The following ANKFY1 variants were observed in gnomAD, a reference collection of about 807,000 sequenced individuals.
The protein encoded by ANKFY1 is ankyrin repeat and FYVE domain containing 1.
ANKFY1 carries 47 observed loss-of-function variants against 128.3 expected under a neutral mutation model. The ratio of observed to expected loss-of-function variants is 0.37; its 90% CI spans 0.29 to 0.47. The LOEUF (loss-of-function observed/expected upper bound fraction) is 0.47. Ranked by LOEUF, ANKFY1 falls within the 20% of genes least tolerant of loss-of-function variation. The probability of loss-of-function intolerance (pLI) is 1.00; values close to 1 mark genes in which losing one functional copy is unlikely to be tolerated. For missense variants in ANKFY1, 1,222 were observed against 1,510.6 expected (o/e 0.81, Z 3.17); for synonymous variants, 553 against 601.6 (o/e 0.92, Z 1.18).
chr17:4,247,404 GA>G (rs1967602691), intron 1 of ANKFY1, among the ~76,000 whole-genome samples: 1 of 152,206 alleles, frequency 6.6e-6, no homozygotes, highest in African/African-American at 2.4e-5. Context: ...GAGCAGAGAA[GA>G]AGCTAGATAA....
chr17:4,232,757 A>G (rs2060534670), intron 3 of ANKFY1, among the ~76,000 whole-genome samples: 1 of 152,220 alleles, frequency 6.6e-6, no homozygotes, highest in South Asian at 2.1e-4. Flanking sequence ...TAAAGCTCTA[A>G]ACGTTTGGAT....
intron 2 of ANKFY1, among the ~76,000 whole-genome samples, chr17:4,237,273 G>C (rs1452037304): frequency 1.3e-5 from 2 of 152,130 alleles, no homozygotes; most frequent in Non-Finnish European, 2.9e-5. Flanking sequence ...TTCTATCAAA[G>C]ACCAAGCTAT....
rs751084130 is a variant in ANKFY1 at position 4,189,461 on chromosome 17, C to A, written c.1391G>T (p.Arg464Leu). ...DTATGNCLLQRAAGAGNEAAA... is the reference protein window; with the variant it reads ...DTATGNCLLQLAAGAGNEAAA... The stretch of plus-strand genomic sequence containing the variant: ...TGCCTCGTTTCCTGCTCCAGCTGCC[C>A]GCTGTAGTAAACAGTTTCCTAAAAG... Residue 464 changes from arginine to leucine, a missense_variant, in exon 11 of 25, where the codon CGG becomes CTG. Arg to Leu is a moderately radical substitution (Grantham distance 102). Transcript: ENST00000341657. The A allele has an allele frequency of 1.3e-6, 2 of 1,585,932 alleles. No individual in the cohort carries two copies. The highest frequency in any genetic ancestry group is 2.3e-5 in the East Asian group (1 of 43,992).
chr17:4,220,015 G>T (rs1476594353), intron 3 of ANKFY1, among the ~76,000 whole-genome samples: 1 of 152,094 alleles, frequency 6.6e-6, no homozygotes, highest in Admixed American at 6.6e-5. Flanking sequence ...AGTTGAGATG[G>T]GGTTTCACCA....
At chr17:4,251,086 A>G (rs1392884182) in intron 1 of ANKFY1, among the ~76,000 whole-genome samples, 1 of 152,226 alleles carries the variant, frequency 6.6e-6, no homozygotes, top group Non-Finnish European at 1.5e-5. Flanking sequence ...CAAGATAGAT[A>G]TCCAGAGCAA....
chr17:4,195,263 CT>C, intron 9 of ANKFY1, 86 bp from the exon 10 acceptor site: 6 of 1,424,126 alleles, frequency 4.2e-6, no homozygotes, highest in Admixed American at 2.3e-5. Context: ...TCTCTTTACC[CT>C]TTTTCAATGA....
In ANKFY1 at chr17:4,181,384, CAT is replaced by C. The variant is rs2143003960; in HGVS notation, c.2122-14_2122-13del. On this transcript the variant is annotated splice_polypyrimidine_tract_variant and intron_variant, in intron 15 of 24. Coordinates refer to ENST00000341657, the MANE Select transcript of ANKFY1 (RefSeq NM_001330063.2). This position sits in a 1 kb window ranked among gnomAD's most constrained non-coding sequence, Gnocchi z 4.9. ...CAGCCATGTCTGACCTGCAGAAAAACATAGGTTATTCACAAACACTGCTGAGC... is the reference window on the plus strand; with the variant it reads ...CAGCCATGTCTGACCTGCAGAAAAACAGGTTATTCACAAACACTGCTGAGC... 3.1e-6 allele frequency: 5 copies of C among 1,601,430 alleles called. No homozygotes were observed. The highest frequency in any genetic ancestry group is 4.3e-6 in the Non-Finnish European group (5 of 1,168,510).
intron 4 of ANKFY1, among the ~76,000 whole-genome samples, chr17:4,210,640 G>A (rs758445694): frequency 2.3e-4 from 34 of 147,642 alleles, no homozygotes; most frequent in Admixed American, 1.8e-3. Flanking sequence ...CCCAGGAGGC[G>A]GAGGTTGCAG....
rs1966880369 is a variant in ANKFY1 at position 4,235,766 on chromosome 17, G to A, written c.322+6C>T. 1 of 1,610,476 alleles carries A rather than the reference G, an allele frequency of 6.2e-7. No individual in the cohort carries two copies. Among genetic ancestry groups the A allele is most frequent in the South Asian group, 1.1e-5 (1 of 90,974 alleles). ...GTTTTGTGTCCCTGATCACTCAAAG[G>A]CTCACCTGACAGGTCCAACTCTTTA... On this transcript the variant is annotated splice_donor_region_variant and intron_variant, in intron 3 of 24. Transcript: ENST00000341657.
chr17:4,218,774 G>C (rs1052347107), intron 3 of ANKFY1, among the ~76,000 whole-genome samples: 2 of 152,114 alleles, frequency 1.3e-5, no homozygotes, highest in African/African-American at 4.8e-5. Flanking sequence ...GCTACTCAAG[G>C]GGCCAATGTG....
In ANKFY1 at chr17:4,170,746, G is replaced by A. The variant is rs766092499; in HGVS notation, c.3255C>T (p.Val1085=). Residue 1085 remains valine (V), a synonymous_variant, in exon 23 of 25, where the codon GTC becomes GTT. Transcript: ENST00000341657. ...GTCGGAACAGGAGCTGCTTGGTGGC[G>A]ACCTGGTAGTTGAAGATGTTGACTC... ...NQGVNIFNYQ[V]ATKQLLFRLL... 8.1e-6 allele frequency: 13 copies of A among 1,613,452 alleles called. No individual in the cohort carries two copies. Among genetic ancestry groups the A allele is most frequent in the South Asian group, 1.1e-5 (1 of 91,026 alleles).
At chr17:4,202,613 C>T (rs1370057023) in intron 7 of ANKFY1, among the ~76,000 whole-genome samples, 20 of 139,862 alleles carry the variant, frequency 1.4e-4, no homozygotes, top group Admixed American at 1.3e-3. Context: ...AGGAGAATGG[C>T]GTGAACCCGG....
At chr17:4,180,835 G>T (rs547483864) in intron 16 of ANKFY1, among the ~76,000 whole-genome samples, 5 of 151,602 alleles carry the variant, frequency 3.3e-5, no homozygotes, top group Non-Finnish European at 7.4e-5. Flanking sequence ...TGCTGTGAAG[G>T]CTTCCTGAAT....
At position 4,187,019 on chromosome 17, in the gene ANKFY1, A is replaced by G. The variant is rs2059624308; in HGVS notation, c.1471-1973T>C. The G allele has an allele frequency of 2.4e-6, 3 of 1,225,380 alleles. No homozygotes were observed. The African/African-American group carries it at 4.7e-5, about 19-fold the overall frequency. 75.9% of individuals were successfully genotyped at this position (1,225,380 alleles called of 1,614,324 possible). A position where few individuals can be genotyped will look rare whatever the true frequency, so the allele number is the denominator to read the frequency against. ...ACTGTTTTTTTTAAATTCGTATTTC[A>G]GTGTCTTTGGGGTACAGGTGGTTTC... On this transcript the variant is annotated intron_variant, in intron 11 of 24. Transcript: ENST00000341657.
chr17:4,209,361 C>T (rs760653124), intron 5 of ANKFY1, among the ~76,000 whole-genome samples: 32 of 152,142 alleles, frequency 2.1e-4, no homozygotes, highest in East Asian at 1.9e-4. Flanking sequence ...AGTGCAGTGG[C>T]GCGATCTCAG....
In ANKFY1 at chr17:4,201,727, C is replaced by A. The variant is rs115161042; in HGVS notation, c.899-4150G>T. Reference sequence around the variant, plus strand: ...GGTAAGGGGTGCAGAAGGTTGCAATCTTTCCCAGTATCAAAGCTTAGATTT... The same window carrying A: ...GGTAAGGGGTGCAGAAGGTTGCAATATTTCCCAGTATCAAAGCTTAGATTT... On this transcript the variant is annotated intron_variant, in intron 7 of 24. Coordinates refer to ENST00000341657, the MANE Select transcript of ANKFY1 (RefSeq NM_001330063.2). 3.0e-3 allele frequency among the ~76,000 whole-genome samples: 453 copies of A among 152,250 alleles called. 1 individual carries two copies. The highest frequency in any genetic ancestry group is 0.01 in the African/African-American group (425 of 41,526).
At chr17:4,232,425 C>G (rs561821666) in intron 3 of ANKFY1, among the ~76,000 whole-genome samples, 2 of 152,286 alleles carry the variant, frequency 1.3e-5, no homozygotes, top group East Asian at 3.9e-4. Flanking sequence ...CACCTTGGAC[C>G]TCTCCCCCAT....
At chr17:4,179,404 G>A in intron 17 of ANKFY1, 2 of 517,308 alleles carry the variant, frequency 3.9e-6, no homozygotes, top group Non-Finnish European at 6.9e-6. Flanking sequence ...GTAACTCAGG[G>A]GTGCTCAAGT....
intron 1 of ANKFY1, among the ~76,000 whole-genome samples, chr17:4,256,006 C>T (rs958754611): frequency 8.6e-5 from 13 of 151,900 alleles, no homozygotes; most frequent in African/African-American, 2.7e-4. Context: ...TTAGTAGAGA[C>T]GGGGTTTCAC....
Sources: gnomAD v4.1 joint callset for allele counts (sites outside exome capture counted in the v4.1 genomes callset) on GRCh38, gnomAD v4.1.1 for gene constraint, Gnocchi (gnomAD v3.1) non-coding constraint, MANE v1.5 for transcripts, NCBI Gene and HGNC (gene_info 2026-07-23, HGNC 2026-07-21) for gene names.